Variants in RABGAP1L observed in about 807,000 individuals in gnomAD.
RABGAP1L encodes the protein rab GTPase-activating protein 1-like.
In RABGAP1L, 63 loss-of-function variants were observed where a neutral mutation model predicts 137.7. That is an observed-to-expected ratio of 0.46 (90% CI 0.37 to 0.56). The LOEUF (loss-of-function observed/expected upper bound fraction) is 0.56. Ranked by LOEUF, RABGAP1L falls within the 20% of genes least tolerant of loss-of-function variation. The pLI is 0.00. For missense variants in RABGAP1L, 1,095 were observed against 1,244.0 expected (o/e 0.88, Z 1.80); for synonymous variants, 431 against 433.7 (o/e 0.99, Z 0.08).
At chr1:174,548,386 T>G in intron 13 of RABGAP1L, 2 of 1,005,308 alleles carry the variant, frequency 2.0e-6, no homozygotes, top group Non-Finnish European at 2.4e-6. Flanking sequence ...TACCATATAT[T>G]TAAAACTATA....
chr1:174,775,652 A>T (rs894182778), intron 18 of RABGAP1L, among the ~76,000 whole-genome samples: 4 of 152,128 alleles, frequency 2.6e-5, no homozygotes, highest in African/African-American at 9.7e-5. Flanking sequence ...CAGTCTATAT[A>T]GTCTACCCTA....
At chr1:174,638,312 A>T (rs1000029336) in intron 14 of RABGAP1L, among the ~76,000 whole-genome samples, 18 of 152,222 alleles carry the variant, frequency 1.2e-4, no homozygotes, top group African/African-American at 4.3e-4. Flanking sequence ...TGGAATTAAG[A>T]AGTATATTCA....
chr1:174,819,617 T>C (rs1690813092), intron 19 of RABGAP1L, among the ~76,000 whole-genome samples: 1 of 152,176 alleles, frequency 6.6e-6, no homozygotes, highest in African/African-American at 2.4e-5. Context: ...GAACTGAGAT[T>C]ACAAGGTATT....
chr1:174,173,955 C>A (rs1007662154), intron 1 of RABGAP1L, among the ~76,000 whole-genome samples: 4 of 151,122 alleles, frequency 2.6e-5, no homozygotes, highest in African/African-American at 9.9e-5. Context: ...TACCTCATCT[C>A]TCTGAAACAT....
At position 174,221,098 on chromosome 1, in the gene RABGAP1L, G is replaced by A. The variant is rs1669718821; in HGVS notation, c.265G>A (p.Gly89Arg). 1.2e-6 allele frequency: 2 copies of A among 1,613,732 alleles called. 1 individual carries two copies. The stretch of plus-strand genomic sequence containing the variant: ...CAGTGAGATTTCAGACCATTCGTTT[G>A]GAGATATTCCAGCCAGCCAAACAAA... ...SSSEISDHSF[G>R]DIPASQTNKP... is the part of the protein sequence containing the mutation. Residue 89 changes from glycine (G) to arginine (R), a missense_variant, in exon 3 of 26, where the codon GGA becomes AGA. This residue lies in a region of RABGAP1L where 356 missense variants were observed against 326.3 expected (regional missense o/e 1.09). Coordinates refer to ENST00000681986, the MANE Select transcript of RABGAP1L (RefSeq NM_001366446.1).
intron 3 of RABGAP1L, among the ~76,000 whole-genome samples, chr1:174,227,128 ATT>A (rs1670249055): frequency 6.6e-6 from 1 of 151,264 alleles, no homozygotes; most frequent in Non-Finnish European, 1.5e-5. Flanking sequence ...AATATTGTAG[ATT>A]TTGTCTCTTG....
intron 14 of RABGAP1L, among the ~76,000 whole-genome samples, chr1:174,647,559 A>G (rs774273484): frequency 6.6e-6 from 1 of 151,908 alleles, no homozygotes. Flanking sequence ...GAAGAAGCCG[A>G]GTTGATCTTG....
At chr1:174,366,401 A>G (rs550648807) in intron 11 of RABGAP1L, among the ~76,000 whole-genome samples, 8 of 152,290 alleles carry the variant, frequency 5.3e-5, no homozygotes, top group African/African-American at 1.9e-4. Context: ...ACAACTTTGT[A>G]AATATGCATT....
At chr1:174,358,522 G>C (rs1428806468) in intron 11 of RABGAP1L, among the ~76,000 whole-genome samples, 2 of 152,188 alleles carry the variant, frequency 1.3e-5, no homozygotes, top group African/African-American at 4.8e-5. Context: ...GGTTTGGCTT[G>C]ATTGTAGAAA....
intron 13 of RABGAP1L, among the ~76,000 whole-genome samples, chr1:174,463,113 A>G (rs1278391195): frequency 6.6e-6 from 1 of 152,188 alleles, no homozygotes; most frequent in Non-Finnish European, 1.5e-5. Flanking sequence ...GCGATTCCTC[A>G]GGGATCTAGA....
intron 13 of RABGAP1L, among the ~76,000 whole-genome samples, chr1:174,588,009 G>T (rs546660432): frequency 6.6e-6 from 1 of 151,640 alleles, no homozygotes; most frequent in Admixed American, 6.6e-5. Flanking sequence ...GACTACAGGC[G>T]TGCACAACCA....
At chr1:174,545,271 C>A (rs1665906301) in intron 13 of RABGAP1L, 1 of 152,600 alleles carries the variant, frequency 6.6e-6, no homozygotes, top group Admixed American at 6.5e-5. Flanking sequence ...GTCTTCCCGG[C>A]TGCTTTGTTT....
Position 174,637,379 on chromosome 1 carries a change from C to T in RABGAP1L, c.1715C>T (p.Ser572Leu). 6.2e-7 allele frequency: 1 copy of T among 1,601,820 alleles called. No individual in the cohort carries two copies. The highest frequency in any genetic ancestry group is 2.2e-5 in the East Asian group (1 of 44,780). The change falls in exon 14 of 26, where the codon TCA becomes TTA. Residue 572 changes from serine to leucine, a missense_variant. Physicochemically the swap from Ser to Leu is moderately radical, Grantham distance 145. Around this residue, in one of 4 missense-constraint regions of RABGAP1L, gnomAD observed 315 missense variants for 324.8 expected, o/e 0.97. Coordinates refer to ENST00000681986, the MANE Select transcript of RABGAP1L (RefSeq NM_001366446.1). ...TCTATTTTCTTTCTTTTTTAGGACT[C>T]AGCCCAGGAGAGTGTTATTACTCGA... is the stretch of plus-strand genomic sequence containing the variant. ...DRYRILITKD[S>L]AQESVITRDI...
At chr1:174,777,473 G>A (rs1390346300) in intron 18 of RABGAP1L, among the ~76,000 whole-genome samples, 1 of 152,176 alleles carries the variant, frequency 6.6e-6, no homozygotes, top group Non-Finnish European at 1.5e-5. Context: ...ATTGCCCAGT[G>A]TTCCCCTGGG....
chr1:174,655,886 G>A (rs1042785016), intron 14 of RABGAP1L, among the ~76,000 whole-genome samples: 1 of 152,114 alleles, frequency 6.6e-6, no homozygotes, highest in African/African-American at 2.4e-5. Context: ...TTATGGTTCA[G>A]AAAGATGTTC....
chr1:174,596,242 G>A (rs550807909), intron 13 of RABGAP1L, among the ~76,000 whole-genome samples: 58 of 148,636 alleles, frequency 3.9e-4, no homozygotes, highest in African/African-American at 1.3e-3. Context: ...ACTGGCCTGC[G>A]CCCACTGTCT....
intron 19 of RABGAP1L, among the ~76,000 whole-genome samples, chr1:174,871,567 ATGTG>A (rs1350766904): frequency 6.6e-6 from 1 of 152,238 alleles, no homozygotes; most frequent in Non-Finnish European, 1.5e-5. Context: ...TAATGCAGGC[ATGTG>A]AGGTCCCATT....
rs559380501 is a variant in RABGAP1L at position 174,889,316 on chromosome 1, G to T, written c.2341-68141G>T. Among the ~76,000 whole-genome samples the T allele has an allele frequency of 1.1e-3, 166 of 151,938 alleles. 1 individual carries two copies. The highest frequency in any genetic ancestry group is 3.8e-3 in the African/African-American group (156 of 41,472). On this transcript the variant is annotated intron_variant, in intron 19 of 25. Transcript: ENST00000681986. Reference sequence around the variant, plus strand: ...TTTTTGTATGTTTAGTAGAGACAGGGTTTCACCATATTGGGCAGGCTGGTC... The same window carrying T: ...TTTTTGTATGTTTAGTAGAGACAGGTTTTCACCATATTGGGCAGGCTGGTC...
At chr1:174,477,531 C>T (rs1156915450) in intron 13 of RABGAP1L, among the ~76,000 whole-genome samples, 1 of 152,152 alleles carries the variant, frequency 6.6e-6, no homozygotes, top group African/African-American at 2.4e-5. Flanking sequence ...GGCTATTTCA[C>T]ATAATTTTCT....
Sources: gnomAD v4.1 joint callset for allele counts (sites outside exome capture counted in the v4.1 genomes callset) on GRCh38, gnomAD v4.1.1 for gene constraint, gnomAD v4.1.1 regional missense constraint, MANE v1.5 for transcripts, NCBI Gene and HGNC (gene_info 2026-07-23, HGNC 2026-07-21) for gene names.